AHCYL2: variants seen among roughly 807,000 people sequenced by gnomAD.
AHCYL2 encodes S-adenosylhomocysteine hydrolase-like protein 2.
Under a neutral mutation model 81.4 loss-of-function variants are expected in AHCYL2, and 28 were observed. The observed-to-expected ratio is 0.34, with a 90% CI of 0.25 to 0.47. The LOEUF (loss-of-function observed/expected upper bound fraction) is 0.47. Ranked by LOEUF, AHCYL2 falls within the 20% of genes least tolerant of loss-of-function variation. The pLI, the probability that AHCYL2 is intolerant of heterozygous loss-of-function variation, is 1.00. For synonymous variants in AHCYL2, 272 were observed against 290.2 expected (o/e 0.94, Z 0.64); for missense variants, 551 against 785.1 (o/e 0.70, Z 3.56).
At chr7:129,356,953 A>G (rs375159376) in intron 1 of AHCYL2, among the ~76,000 whole-genome samples, 2 of 152,240 alleles carry the variant, frequency 1.3e-5, no homozygotes, top group African/African-American at 4.8e-5. Flanking sequence ...CTGATTTTTA[A>G]AATTATTGTC....
chr7:129,246,309 C>T (rs1563165155), intron 1 of AHCYL2, among the ~76,000 whole-genome samples: 1 of 152,184 alleles, frequency 6.6e-6, no homozygotes, highest in South Asian at 2.1e-4. Context: ...CCACCCGCCT[C>T]GGCCTCCCAA....
chr7:129,243,317 C>G (rs550610774), intron 1 of AHCYL2, among the ~76,000 whole-genome samples: 1 of 151,970 alleles, frequency 6.6e-6, no homozygotes, highest in Non-Finnish European at 1.5e-5. Flanking sequence ...GCCACCATGC[C>G]CAGCCGACTA....
At chr7:129,313,284 T>C (rs1195772708) in intron 1 of AHCYL2, among the ~76,000 whole-genome samples, 1 of 152,192 alleles carries the variant, frequency 6.6e-6, no homozygotes, top group Admixed American at 6.5e-5. Context: ...GATAAAATTG[T>C]CTTTTGGGAG....
chr7:129,239,450 G>T lies in AHCYL2; in HGVS notation c.363+14011G>T, dbSNP rs1397772723. Among the ~76,000 whole-genome samples the T allele has an allele frequency of 6.1e-5, 9 of 147,884 alleles. No individual in the cohort carries two copies. The South Asian group carries it at 1.7e-3, about 28-fold the overall frequency. ...TATTAATTTTTTTTTTTTTTTTAGA[G>T]ATGGGGGTCTTGCTTTGATACCCAG... On this transcript the variant is annotated intron_variant, in intron 1 of 16. Transcript: ENST00000325006.
intron 1 of AHCYL2, chr7:129,377,625 T>C (rs1456807695): frequency 1.1e-5 from 5 of 456,582 alleles, no homozygotes; most frequent in South Asian, 7.7e-5. Context: ...TCATTAAAGG[T>C]AGAGTCACTT....
At chr7:129,286,975 C>T (rs1187041893) in intron 1 of AHCYL2, among the ~76,000 whole-genome samples, 1 of 151,468 alleles carries the variant, frequency 6.6e-6, no homozygotes, top group East Asian at 1.9e-4. Context: ...AATAATAATC[C>T]CACTATATGT....
At chr7:129,401,411 G>C (rs371388290) in intron 6 of AHCYL2, among the ~76,000 whole-genome samples, 7 of 151,878 alleles carry the variant, frequency 4.6e-5, no homozygotes, top group African/African-American at 4.8e-5. Flanking sequence ...TCTCCCCTAG[G>C]GGGAGGGGGC....
chr7:129,388,936 C>G, intron 2 of AHCYL2, 120 bp from the exon 3 acceptor site: 1 of 1,157,706 alleles, frequency 8.6e-7, no homozygotes. Flanking sequence ...AGGTACTTAA[C>G]AGAGGTAAAA....
At chr7:129,240,607 T>C (rs1794818165) in intron 1 of AHCYL2, among the ~76,000 whole-genome samples, 1 of 152,050 alleles carries the variant, frequency 6.6e-6, no homozygotes, top group Admixed American at 6.6e-5. Flanking sequence ...TGTTTTCAGT[T>C]TGATGCACTC....
chr7:129,341,805 A>G (rs892273973), intron 1 of AHCYL2, among the ~76,000 whole-genome samples: 5 of 152,196 alleles, frequency 3.3e-5, no homozygotes, highest in African/African-American at 1.2e-4. Context: ...TATGAAACCT[A>G]TTTGTGGCAA....
At chr7:129,363,171 C>A (rs1181612634) in intron 1 of AHCYL2, among the ~76,000 whole-genome samples, 2 of 152,020 alleles carry the variant, frequency 1.3e-5, no homozygotes, top group South Asian at 2.1e-4. Context: ...GTTTGCATAA[C>A]TTTTTTTTGA....
intron 12 of AHCYL2, among the ~76,000 whole-genome samples, chr7:129,416,617 G>A (rs1563247427): frequency 1.3e-5 from 2 of 151,962 alleles, no homozygotes; most frequent in African/African-American, 4.8e-5. Context: ...GGCTAACATG[G>A]TGAAACCCTG....
intron 1 of AHCYL2, among the ~76,000 whole-genome samples, chr7:129,347,081 G>C (rs961777862): frequency 2.6e-5 from 4 of 152,166 alleles, no homozygotes; most frequent in African/African-American, 9.7e-5. Context: ...CCTTCTGGTA[G>C]AGGAAAAATA....
In AHCYL2 at chr7:129,428,850, A is replaced by G. The variant is rs554098086; in HGVS notation, c.*1805A>G. The stretch of plus-strand genomic sequence containing the variant: ...ATATGTCTCAGCAAGTACTGGTTAT[A>G]TTCTTTTTTTGTAAGGAAGATCATA... On this transcript the variant is annotated 3_prime_UTR_variant, in exon 17 of 17. Coordinates refer to ENST00000325006, the MANE Select transcript of AHCYL2 (RefSeq NM_015328.4). 1 of 152,288 alleles carries G rather than the reference A, an allele frequency of 6.6e-6. No individual in the cohort carries two copies. Among genetic ancestry groups the G allele is most frequent in the Non-Finnish European group, 1.5e-5 (1 of 68,022 alleles). The allele number at this position is 152,288 out of a possible 1,614,324, so 9.4% of individuals were successfully genotyped here.
At chr7:129,306,819 C>T (rs1010493566) in intron 1 of AHCYL2, among the ~76,000 whole-genome samples, 4 of 152,220 alleles carry the variant, frequency 2.6e-5, no homozygotes, top group African/African-American at 9.6e-5. Flanking sequence ...AAGTGGCACC[C>T]CAAACCCAGT....
At chr7:129,317,555 C>T (rs1797865843) in intron 1 of AHCYL2, among the ~76,000 whole-genome samples, 1 of 152,148 alleles carries the variant, frequency 6.6e-6, no homozygotes, top group Non-Finnish European at 1.5e-5. Flanking sequence ...GATGTAGAGT[C>T]CCCAGGCAAA....
In AHCYL2 at chr7:129,429,512, T is replaced by C. The variant is rs1053096748; in HGVS notation, c.*2467T>C. 1.3e-5 allele frequency: 2 copies of C among 152,190 alleles called. No individual in the cohort carries two copies. Among genetic ancestry groups the C allele is most frequent in the Non-Finnish European group, 2.9e-5 (2 of 68,044 alleles). The allele number at this position is 152,190 out of a possible 1,614,324, so 9.4% of individuals were successfully genotyped here. A position where few individuals can be genotyped will look rare whatever the true frequency, so the allele number is the denominator to read the frequency against. ...TTTCTCTACAATGAATCTGTGCTAA[T>C]ATTTTGCCTTCTTTCTTTCTTTTCT... On this transcript the variant is annotated 3_prime_UTR_variant, in exon 17 of 17. Coordinates refer to ENST00000325006, the MANE Select transcript of AHCYL2 (RefSeq NM_015328.4).
chr7:129,321,735 C>CTTTATTTT (rs1452547698), intron 1 of AHCYL2, among the ~76,000 whole-genome samples: 1 of 58,558 alleles, frequency 1.7e-5, no homozygotes, highest in Non-Finnish European at 3.9e-5. Context: ...AATTTGTATT[C>CTTTATTTT]TTTCTTTGTT....
intron 1 of AHCYL2, among the ~76,000 whole-genome samples, chr7:129,256,849 A>G (rs1278596635): frequency 1.3e-5 from 2 of 152,076 alleles, no homozygotes; most frequent in Admixed American, 6.5e-5. Context: ...ACCAGTTAAC[A>G]CTTCCAACTA....
Sources: gnomAD v4.1 joint callset for allele counts (sites outside exome capture counted in the v4.1 genomes callset) on GRCh38, gnomAD v4.1.1 for gene constraint, MANE v1.5 for transcripts, NCBI Gene and HGNC (gene_info 2026-07-23, HGNC 2026-07-21) for gene names.